The following MTMR14 variants were observed in gnomAD, a reference collection of about 807,000 sequenced individuals.
The protein encoded by MTMR14 is phosphatidylinositol-3,5-bisphosphate 3-phosphatase MTMR14.
MTMR14 carries 48 observed loss-of-function variants against 86.3 expected under a neutral mutation model. The observed-to-expected ratio is 0.56, with a 90% CI of 0.44 to 0.71. MTMR14 has a LOEUF of 0.71. Ranked by LOEUF, MTMR14 falls within the 30% of genes least tolerant of loss-of-function variation. MTMR14 has a pLI of 0.00. For missense variants in MTMR14, 780 were observed against 834.6 expected, an observed-to-expected ratio of 0.93 and a Z score of 0.81; for synonymous variants, 366 against 326.1, an observed-to-expected ratio of 1.12 and a Z score of -1.32.
intron 13 of MTMR14, 35 bp from the exon 14 acceptor site, chr3:9,687,786 C>T (rs1323535458): frequency 6.5e-7 from 1 of 1,547,628 alleles, no homozygotes; most frequent in South Asian, 1.2e-5. Context: ...TGCCTTGGTT[C>T]TTCTCATTGT....
chr3:9,652,183 T>C (rs1165790708), intron 1 of MTMR14, among the ~76,000 whole-genome samples: 2 of 152,120 alleles, frequency 1.3e-5, no homozygotes, highest in Admixed American at 6.5e-5. Flanking sequence ...CAGGCTGGTC[T>C]CAAGCTCCTG....
intron 9 of MTMR14, among the ~76,000 whole-genome samples, chr3:9,681,459 A>C (rs564968883): frequency 2.6e-5 from 4 of 152,312 alleles, no homozygotes; most frequent in African/African-American, 7.2e-5. Flanking sequence ...AGAGGCAACA[A>C]CGTAACCATC....
chr3:9,663,455 C>T (rs542218542), intron 3 of MTMR14, among the ~76,000 whole-genome samples: 3 of 148,392 alleles, frequency 2.0e-5, no homozygotes, highest in Admixed American at 6.7e-5. Flanking sequence ...TTTTCATGTT[C>T]CCGAAAGTTA....
intron 2 of MTMR14, among the ~76,000 whole-genome samples, chr3:9,661,238 C>T (rs1456651903): frequency 6.6e-6 from 1 of 152,206 alleles, no homozygotes; most frequent in Non-Finnish European, 1.5e-5. Flanking sequence ...TTTTTGGCAC[C>T]AGGGACTGGT....
rs542990365 is a variant in MTMR14 at position 9,666,376 on chromosome 3, G to C, written c.418-2343G>C. 1.2e-4 allele frequency among the ~76,000 whole-genome samples: 18 copies of C among 151,832 alleles called. No individual in the cohort carries two copies. In the East Asian group the frequency reaches 3.5e-3, roughly 30 times the overall value. On this transcript the variant is annotated intron_variant, in intron 3 of 18. Transcript: ENST00000296003. The stretch of plus-strand genomic sequence containing the variant: ...TCAGACTCCTGGCTTCAAGTGATCT[G>C]CCCACTCTGGCCTCCCAAAGTGCTG...
chr3:9,650,880 C>A (rs766826606), intron 1 of MTMR14, among the ~76,000 whole-genome samples: 6 of 151,736 alleles, frequency 4.0e-5, no homozygotes, highest in Non-Finnish European at 7.4e-5. Flanking sequence ...CTCCGCCTCC[C>A]CAGTTCAAGC....
chr3:9,683,968 T>C (rs2075854649), intron 10 of MTMR14, among the ~76,000 whole-genome samples: 1 of 152,188 alleles, frequency 6.6e-6, no homozygotes, highest in Non-Finnish European at 1.5e-5. Flanking sequence ...TTATGCTCAT[T>C]GGCCCAGTTT....
chr3:9,686,362 G>C (rs2075953860), intron 13 of MTMR14, among the ~76,000 whole-genome samples: 1 of 152,180 alleles, frequency 6.6e-6, no homozygotes, highest in African/African-American at 2.4e-5. Context: ...CGACAAAGCA[G>C]ACCAGATCTG....
At position 9,650,397 on chromosome 3, in the gene MTMR14, A is replaced by G. The variant is rs1218342271; in HGVS notation, c.159+655A>G. 6 of 456,346 alleles carry G rather than the reference A, an allele frequency of 1.3e-5. No individual in the cohort carries two copies. The East Asian group carries it at 4.2e-4, about 32-fold the overall frequency. The allele number at this position is 456,346 out of a possible 1,614,324, so 28.3% of individuals were successfully genotyped here. On this transcript the variant is annotated intron_variant, in intron 1 of 18. Transcript: ENST00000296003. ...ATCCCCACCCTAAGCACTGGCTGGC[A>G]GTGCGGTGGGAATCTTGCCGACCCT...
In MTMR14 at chr3:9,672,758, G is replaced by A. The variant is rs2048640330; in HGVS notation, c.751G>A (p.Gly251Ser). 1 of 1,614,158 alleles carries A rather than the reference G, an allele frequency of 6.2e-7. No homozygotes were observed. Among genetic ancestry groups the A allele is most frequent in the Non-Finnish European group, 8.5e-7 (1 of 1,180,006 alleles). ...CACTCTCCTCTCCATCCCGTATCCA[G>A]GTAGGGGGCTCTCTTCTAGTGGCAG... Reference protein sequence around the residue: ...DFTLLSIPYPGCEFFKEYKDR... With the variant: ...DFTLLSIPYPSCEFFKEYKDR... The change falls in exon 7 of 19, where the codon GGC becomes AGC. Residue 251 changes from glycine (G) to serine (S), a missense_variant and splice_region_variant. Physicochemically the swap from Gly to Ser is moderately conservative, Grantham distance 56. Coordinates refer to ENST00000296003, the MANE Select transcript of MTMR14 (RefSeq NM_001077525.3).
chr3:9,680,984 T>A (rs960903072), intron 9 of MTMR14, among the ~76,000 whole-genome samples: 1 of 152,210 alleles, frequency 6.6e-6, no homozygotes, highest in Non-Finnish European at 1.5e-5. Flanking sequence ...CTGATGTCCC[T>A]ACAGATCAGG....
intron 5 of MTMR14, 32 bp downstream of exon 5, chr3:9,669,524 G>A (rs756791891): frequency 4.1e-5 from 65 of 1,604,200 alleles, no homozygotes; most frequent in Non-Finnish European, 5.3e-5. Flanking sequence ...TCAGGGGCTT[G>A]TGTTGGGGAT....
At chr3:9,665,055 A>G (rs2048168120) in intron 3 of MTMR14, among the ~76,000 whole-genome samples, 2 of 152,136 alleles carry the variant, frequency 1.3e-5, no homozygotes, top group African/African-American at 4.8e-5. Context: ...AGGCCAAGGC[A>G]GGCAGATCGT....
At chr3:9,650,497 C>T (rs934367401) in intron 1 of MTMR14, 5 of 397,896 alleles carry the variant, frequency 1.3e-5, no homozygotes, top group African/African-American at 2.1e-5. Flanking sequence ...CCATCCTGCA[C>T]CACAGAACTC....
In MTMR14 at chr3:9,672,750, C is replaced by T. The variant is rs773778933; in HGVS notation, c.743C>T (p.Pro248Leu). ...GCCGACTTCACTCTCCTCTCCATCC[C>T]GTATCCAGGTAGGGGGCTCTCTTCT... ...RYADFTLLSI[P>L]YPGCEFFKEY... The change falls in exon 7 of 19, where the codon CCG becomes CTG. Residue 248 changes from proline (P) to leucine (L), a missense_variant. Physicochemically the swap from Pro to Leu is moderately conservative, Grantham distance 98. Transcript: ENST00000296003. 3 of 1,614,126 alleles carry T rather than the reference C, an allele frequency of 1.9e-6. No individual in the cohort carries two copies. The highest frequency in any genetic ancestry group is 2.5e-6 in the Non-Finnish European group (3 of 1,179,988).
chr3:9,692,878 G>C (rs2076176893), intron 17 of MTMR14, among the ~76,000 whole-genome samples: 1 of 152,162 alleles, frequency 6.6e-6, no homozygotes, highest in Non-Finnish European at 1.5e-5. Flanking sequence ...CTTGTGGGTG[G>C]GAGCAGGGTA....
At position 9,669,492 on chromosome 3, in the gene MTMR14, G is replaced by C; in HGVS notation, c.554G>C (p.Arg185Pro). The change falls in exon 5 of 19, where the codon CGA becomes CCA. Residue 185 changes from arginine to proline, a missense_variant and splice_region_variant. Arg to Pro is a moderately radical substitution (Grantham distance 103). Transcript: ENST00000296003. The stretch of plus-strand genomic sequence containing the variant: ...GTCACGGAGGAGGACTGTGCTCTTC[G>C]GTCAGTGCTGGGTTGCTGTGGTCAG... ...EDVTEEDCAL[R>P]SGDTHLFDKV... 6.2e-7 allele frequency: 1 copy of C among 1,613,004 alleles called. No homozygotes were observed. The highest frequency in any genetic ancestry group is 8.5e-7 in the Non-Finnish European group (1 of 1,179,328).
chr3:9,653,753 G>C lies in MTMR14; in HGVS notation c.292G>C (p.Glu98Gln), dbSNP rs1294180298. 6.2e-7 allele frequency: 1 copy of C among 1,614,202 alleles called. No individual in the cohort carries two copies. The highest frequency in any genetic ancestry group is 1.7e-5 in the Admixed American group (1 of 60,008). Residue 98 changes from glutamate (E) to glutamine (Q), a missense_variant, in exon 2 of 19, where the codon GAG (glutamate) becomes CAG (glutamine). Physicochemically the swap from Glu to Gln is conservative, Grantham distance 29. Transcript: ENST00000296003. ...CGTGTTCCTGGAGTATGAGAGTTCTGAGAAGGAGAAAGACACGTGAGCATC... is the reference window on the plus strand; with the variant it reads ...CGTGTTCCTGGAGTATGAGAGTTCTCAGAAGGAGAAAGACACGTGAGCATC... The part of the protein sequence containing the change: ...HIVFLEYESS[E>Q]KEKDTFESTV...
chr3:9,683,211 C>G lies in MTMR14; in HGVS notation c.931C>G (p.Leu311Val), dbSNP rs746827046. ...TCTGGTGCAACAAACACAAAACTAC[C>G]TGAAGCTGCTGCTTTCCTTAGTTAA... Reference protein sequence around the residue: ...WDLVQQTQNYLKLLLSLVNSD... With the variant: ...WDLVQQTQNYVKLLLSLVNSD... Residue 311 changes from leucine to valine, a missense_variant, in exon 10 of 19, where the codon CTG becomes GTG. Transcript: ENST00000296003. 117 of 1,614,060 alleles carry G rather than the reference C, an allele frequency of 7.2e-5. No homozygotes were observed. The highest frequency in any genetic ancestry group is 9.7e-5 in the Non-Finnish European group (114 of 1,180,022).
Sources: gnomAD v4.1 joint callset for allele counts (sites outside exome capture counted in the v4.1 genomes callset) on GRCh38, gnomAD v4.1.1 for gene constraint, MANE v1.5 for transcripts, NCBI Gene and HGNC (gene_info 2026-07-23, HGNC 2026-07-21) for gene names.